Variants in SAXO4 observed in about 807,000 individuals in gnomAD.
SAXO4 encodes protein phosphatase 1 regulatory subunit 32.
At chr11:61,483,926 G>T in the SAXO4 span, among the ~76,000 whole-genome samples, 2 of 150,220 alleles carry the variant, frequency 1.3e-5, no homozygotes, top group Admixed American at 1.3e-4. Context: ...CTGGGCAATA[G>T]AATGAGACTT....
chr11:61,482,666 A>G, the SAXO4 span: 3 of 1,613,938 alleles, frequency 1.9e-6, no homozygotes, highest in Non-Finnish European at 2.5e-6. Flanking sequence ...GAACAAGCCC[A>G]GGACCATTTC....
the SAXO4 span, chr11:61,482,768 A>G: frequency 3.7e-6 from 6 of 1,613,340 alleles, no homozygotes; most frequent in Non-Finnish European, 5.1e-6. Context: ...AGCTCAGGCT[A>G]TGGGCGGGAG....
At chr11:61,488,331 G>A in the SAXO4 span, among the ~76,000 whole-genome samples, 1 of 136,844 alleles carries the variant, frequency 7.3e-6, no homozygotes, top group Non-Finnish European at 1.5e-5. Flanking sequence ...TTAAGATGGA[G>A]TCTCTCTCTG....
the SAXO4 span, chr11:61,489,716 G>C: frequency 2.6e-6 from 4 of 1,547,160 alleles, no homozygotes; most frequent in East Asian, 9.0e-5. Flanking sequence ...CGATGGAGAA[G>C]GGCAGCAGGG....
the SAXO4 span, chr11:61,481,837 G>A: frequency 2.0e-5 from 30 of 1,528,306 alleles, no homozygotes; most frequent in Middle Eastern, 3.4e-4. Context: ...CCTGGGGGTC[G>A]TCTCCCCTTA....
At chr11:61,483,164 CTTTTTTTTT>C in the SAXO4 span, among the ~76,000 whole-genome samples, 4 of 119,350 alleles carry the variant, frequency 3.4e-5, no homozygotes, top group South Asian at 5.3e-4. Context: ...ATTTCTTTTT[CTTTTTTTTT>C]TTTTTTTTTT....
chr11:61,488,596 C>T, the SAXO4 span, among the ~76,000 whole-genome samples: 1 of 152,204 alleles, frequency 6.6e-6, no homozygotes, highest in African/African-American at 2.4e-5. Flanking sequence ...AGCCAGGAAG[C>T]GCAAGCTTTC....
At chr11:61,490,851 C>T in the SAXO4 span, 1 of 530,934 alleles carries the variant, frequency 1.9e-6, no homozygotes, top group East Asian at 3.2e-5. Context: ...AGGCTACTGT[C>T]TGTACCCCCA....
At chr11:61,489,567 C>A in the SAXO4 span, 1 of 605,184 alleles carries the variant, frequency 1.7e-6, no homozygotes, top group Non-Finnish European at 2.9e-6. Context: ...TGTCCTTTAA[C>A]ACTCCAAAGA....
At chr11:61,489,860 C>T in the SAXO4 span, 1 of 1,613,934 alleles carries the variant, frequency 6.2e-7, no homozygotes, top group Non-Finnish European at 8.5e-7. Flanking sequence ...TGCCAGGAGG[C>T]TACGCCCTCA....
the SAXO4 span, chr11:61,486,974 C>T: frequency 6.2e-7 from 1 of 1,614,112 alleles, no homozygotes; most frequent in Non-Finnish European, 8.5e-7. Flanking sequence ...CAGAACCCAG[C>T]AGCGTGAGTC....
At chr11:61,483,969 C>T in the SAXO4 span, among the ~76,000 whole-genome samples, 1 of 151,830 alleles carries the variant, frequency 6.6e-6, no homozygotes, top group Non-Finnish European at 1.5e-5. Flanking sequence ...GGCGTGGTGG[C>T]TCACACCTGT....
chr11:61,486,458 T>C, the SAXO4 span: 1 of 1,613,060 alleles, frequency 6.2e-7, no homozygotes, highest in Non-Finnish European at 8.5e-7. Context: ...AGTTAGAACA[T>C]GGCTCTGGAA....
the SAXO4 span, chr11:61,490,819 T>A: frequency 1.8e-6 from 1 of 570,592 alleles, no homozygotes; most frequent in African/African-American, 1.9e-5. Flanking sequence ...TACAGGTTTG[T>A]CAATCCTAGG....
chr11:61,484,701 A>G, the SAXO4 span: 40 of 1,613,630 alleles, frequency 2.5e-5, 1 homozygote, highest in Non-Finnish European at 1.0e-5. Context: ...CGGAAGGTCC[A>G]TTTCGACACC....
chr11:61,488,654 T>C, the SAXO4 span, among the ~76,000 whole-genome samples: 1 of 152,218 alleles, frequency 6.6e-6, no homozygotes, highest in Non-Finnish European at 1.5e-5. Flanking sequence ...CTCCAACTCC[T>C]GGTCCTTCAA....
chr11:61,481,723 C>T, the SAXO4 span: 3 of 684,070 alleles, frequency 4.4e-6, no homozygotes, highest in Non-Finnish European at 6.9e-6. Flanking sequence ...AGATCTTCGC[C>T]CCTGTGGGCT....
the SAXO4 span, chr11:61,486,731 T>C: frequency 9.6e-7 from 1 of 1,037,464 alleles, no homozygotes; most frequent in Non-Finnish European, 1.5e-6. Flanking sequence ...GATGTGGAGG[T>C]AGGCCCTCAG....
the SAXO4 span, chr11:61,485,365 A>G: frequency 1.9e-6 from 3 of 1,613,922 alleles, no homozygotes; most frequent in African/African-American, 1.3e-5. Context: ...GTCGGAGTAC[A>G]ATTCCAAGTA....
Sources: allele counts gnomAD v4.1 joint callset (sites outside exome capture counted in the v4.1 genomes callset), GRCh38; gene constraint gnomAD v4.1.1; transcripts MANE v1.5; gene names NCBI Gene and HGNC (gene_info 2026-07-23, HGNC 2026-07-21).